AUTS2: variants seen among roughly 807,000 people sequenced by gnomAD.
AUTS2 encodes autism susceptibility gene 2 protein.
Under a neutral mutation model 112.4 loss-of-function variants are expected in AUTS2, and 17 were observed. The ratio of observed to expected loss-of-function variants is 0.15; its 90% confidence interval spans 0.10 to 0.23. The LOEUF is 0.23. Ranked by LOEUF, AUTS2 falls within the 10% of genes least tolerant of loss-of-function variation. The pLI, the probability that AUTS2 is intolerant of heterozygous loss-of-function variation, is 1.00. For missense variants in AUTS2, 1,510 were observed against 1,701.6 expected, an observed-to-expected ratio of 0.89 and a Z score of 1.98; for synonymous variants, 751 against 702.7, an observed-to-expected ratio of 1.07 and a Z score of -1.09.
chr7:70,115,301 G>A (rs1242744491), intron 2 of AUTS2, among the ~76,000 whole-genome samples: 1 of 152,156 alleles, frequency 6.6e-6, no homozygotes, highest in Non-Finnish European at 1.5e-5. Context: ...GTTCCCAGCT[G>A]GATATGTATC....
chr7:70,766,206 C>T lies in AUTS2; in HGVS notation c.1561C>T (p.Arg521Trp), dbSNP rs1789931268. Residue 521 changes from arginine (R) to tryptophan (W), a missense_variant, in exon 9 of 19, where the codon CGG (arginine) becomes TGG (tryptophan). Transcript: ENST00000342771. This position sits in a 1 kb window ranked among gnomAD's most constrained non-coding sequence, Gnocchi z 4.8. ...TTCCCTGGGCCCTCCGCCCTACCTG[C>T]GGACCGAGTTCCATCAGCACCAGCA... ...GASLGPPPYLRTEFHQHQHQH... is the reference protein window; with the variant it reads ...GASLGPPPYLWTEFHQHQHQH... 2 of 1,614,046 alleles carry T rather than the reference C, an allele frequency of 1.2e-6. No individual in the cohort carries two copies. Among genetic ancestry groups the T allele is most frequent in the African/African-American group, 1.3e-5 (1 of 74,894 alleles).
In AUTS2 at chr7:69,740,278, A is replaced by C. The variant is rs145303027; in HGVS notation, c.309+140316A>C. ...TTCCTAATGAAGTGTGACCAGCGTC[A>C]TTTAGACAGGAAAGAATGACAGCTG... On this transcript the variant is annotated intron_variant, in intron 1 of 18. Transcript: ENST00000342771. 6.1e-4 allele frequency among the ~76,000 whole-genome samples: 93 copies of C among 152,340 alleles called. No individual in the cohort carries two copies. In the East Asian group the frequency reaches 0.017, roughly 27 times the overall value.
At chr7:70,213,845 T>G (rs181680893) in intron 4 of AUTS2, among the ~76,000 whole-genome samples, 7 of 152,340 alleles carry the variant, frequency 4.6e-5, no homozygotes, top group Non-Finnish European at 1.5e-5. Flanking sequence ...GCAGTGGCCT[T>G]AGCAAATATT....
chr7:70,322,434 C>T (rs1790296746), intron 4 of AUTS2, among the ~76,000 whole-genome samples: 1 of 152,150 alleles, frequency 6.6e-6, no homozygotes, highest in African/African-American at 2.4e-5. Flanking sequence ...ACCACACATC[C>T]TGTAGCTCCT....
At position 70,775,342 on chromosome 7, in the gene AUTS2, A is replaced by AT. The variant is rs1162940058; in HGVS notation, c.1903-11dup. On this transcript the variant is annotated splice_polypyrimidine_tract_variant and intron_variant, in intron 12 of 18. Transcript: ENST00000342771. ...GTGACAGGCATGTAACCAAGTTGTC[A>AT]TTTTCTCTTCACAGTTGACAGATCC... 4.3e-6 allele frequency: 7 copies of AT among 1,611,398 alleles called. No homozygotes were observed. In the South Asian group the frequency reaches 6.6e-5, roughly 15 times the overall value.
intron 5 of AUTS2, among the ~76,000 whole-genome samples, chr7:70,476,556 A>G (rs955171954): frequency 6.6e-6 from 1 of 152,228 alleles, no homozygotes; most frequent in Admixed American, 6.5e-5. Flanking sequence ...CTGCTTTGTT[A>G]TAATGGCATA....
intron 1 of AUTS2, among the ~76,000 whole-genome samples, chr7:69,870,406 A>G (rs1793428000): frequency 7.9e-6 from 1 of 126,330 alleles, no homozygotes; most frequent in African/African-American, 2.8e-5. Context: ...ACAATGTAGC[A>G]AAAATTGTCA....
intron 4 of AUTS2, among the ~76,000 whole-genome samples, chr7:70,302,534 T>G (rs1006807528): frequency 3.9e-5 from 6 of 152,252 alleles, no homozygotes; most frequent in African/African-American, 1.4e-4. Context: ...GCTTATCTTA[T>G]GCATCCTTTT....
chr7:70,731,862 A>G (rs953613118), intron 6 of AUTS2, among the ~76,000 whole-genome samples: 2 of 152,106 alleles, frequency 1.3e-5, no homozygotes, highest in African/African-American at 4.8e-5. Flanking sequence ...GGTAAGATAT[A>G]TATCATAACC....
Position 69,703,647 on chromosome 7 carries a change from G to A in AUTS2, c.309+103685G>A, listed in dbSNP as rs1584101493. Among the ~76,000 whole-genome samples the A allele has an allele frequency of 2.0e-5, 3 of 152,276 alleles. No homozygotes were observed. The East Asian group carries it at 5.8e-4, about 29-fold the overall frequency. ...GCTCTCATCTGCTGGTTTGGTCAGG[G>A]TGGAAGTACGAATATTAATACAGTC... is the stretch of plus-strand genomic sequence containing the variant. On this transcript the variant is annotated intron_variant, in intron 1 of 18. Coordinates refer to ENST00000342771, the MANE Select transcript of AUTS2 (RefSeq NM_015570.4).
At chr7:69,856,357 A>G (rs150312363) in intron 1 of AUTS2, among the ~76,000 whole-genome samples, 1 of 152,284 alleles carries the variant, frequency 6.6e-6, no homozygotes, top group African/African-American at 2.4e-5. Context: ...GAGCTTTGAG[A>G]AGCATACTTT....
At chr7:69,668,737 A>G (rs1796182697) in intron 1 of AUTS2, among the ~76,000 whole-genome samples, 1 of 152,210 alleles carries the variant, frequency 6.6e-6, no homozygotes. Context: ...GGTCAGCCAT[A>G]TGTTTAGACC....
At chr7:70,235,269 G>A (rs951421503) in intron 4 of AUTS2, among the ~76,000 whole-genome samples, 1 of 151,752 alleles carries the variant, frequency 6.6e-6, no homozygotes, top group African/African-American at 2.4e-5. Context: ...GATTAGCTGG[G>A]ACTGTAGTCA....
intron 4 of AUTS2, among the ~76,000 whole-genome samples, chr7:70,230,654 T>C (rs535085137): frequency 6.6e-6 from 1 of 152,334 alleles, no homozygotes; most frequent in Admixed American, 6.5e-5. Flanking sequence ...TGAGCAAGTG[T>C]GCAGCTTTGT....
intron 5 of AUTS2, among the ~76,000 whole-genome samples, chr7:70,614,321 A>G (rs528290512): frequency 6.6e-6 from 1 of 152,176 alleles, no homozygotes; most frequent in Non-Finnish European, 1.5e-5. Flanking sequence ...GACCAACATC[A>G]TTTATGCAAC....
At chr7:70,692,597 G>GAA (rs1563131450) in intron 5 of AUTS2, among the ~76,000 whole-genome samples, 3 of 152,128 alleles carry the variant, frequency 2.0e-5, no homozygotes, top group African/African-American at 7.2e-5. Flanking sequence ...GGAGGCAGTG[G>GAA]TAGAGAAAAA....
chr7:70,460,108 A>G (rs1400906740), intron 5 of AUTS2, among the ~76,000 whole-genome samples: 1 of 152,112 alleles, frequency 6.6e-6, no homozygotes, highest in African/African-American at 2.4e-5. Context: ...CCCACCAACT[A>G]GTGAAGTTTA....
chr7:70,093,166 C>T (rs1381144882), intron 2 of AUTS2, among the ~76,000 whole-genome samples: 2 of 152,064 alleles, frequency 1.3e-5, no homozygotes, highest in Non-Finnish European at 2.9e-5. Context: ...ATTCGTAGCC[C>T]GTATTTTCAG....
chr7:70,479,775 T>G (rs1214451290), intron 5 of AUTS2, among the ~76,000 whole-genome samples: 1 of 152,172 alleles, frequency 6.6e-6, no homozygotes, highest in East Asian at 1.9e-4. Flanking sequence ...AGATGGGGGT[T>G]TGAGTCCCCG....
Sources: gnomAD v4.1 joint callset for allele counts (sites outside exome capture counted in the v4.1 genomes callset) on GRCh38, gnomAD v4.1.1 for gene constraint, Gnocchi (gnomAD v3.1) non-coding constraint, MANE v1.5 for transcripts, NCBI Gene and HGNC (gene_info 2026-07-23, HGNC 2026-07-21) for gene names.